The following DLGAP1 variants were observed in gnomAD, a reference collection of about 807,000 sequenced individuals.
The protein encoded by DLGAP1 is DLG associated protein 1.
A neutral mutation model predicts 90.8 loss-of-function variants in DLGAP1; 11 were observed. The observed-to-expected ratio is 0.12, with a 90% CI of 0.08 to 0.20. The LOEUF (loss-of-function observed/expected upper bound fraction) is 0.20, where lower values mean the gene tolerates loss of function less well. Among genes scored for constraint, DLGAP1 ranks in the 10% least tolerant of loss-of-function variants. The pLI is 1.00. For synonymous variants in DLGAP1, 558 were observed against 540.7 expected (o/e 1.03, Z -0.44); for missense variants, 1,050 against 1,333.8 (o/e 0.79, Z 3.31).
intron 3 of DLGAP1, among the ~76,000 whole-genome samples, chr18:4,003,578 T>C (rs1599306537): frequency 3.3e-5 from 5 of 151,992 alleles, no homozygotes; most frequent in Admixed American, 3.3e-4. Context: ...ATAAAAGGTA[T>C]TGAATGGGAA....
chr18:4,256,018 T>C (rs1432928460), intron 1 of DLGAP1, among the ~76,000 whole-genome samples: 1 of 152,178 alleles, frequency 6.6e-6, no homozygotes, highest in Non-Finnish European at 1.5e-5. Flanking sequence ...CAGAGGGCTC[T>C]GACAACTCAA....
chr18:4,277,793 T>C (rs1236657255), intron 1 of DLGAP1, among the ~76,000 whole-genome samples: 17 of 152,206 alleles, frequency 1.1e-4, no homozygotes, highest in East Asian at 1.9e-4. Flanking sequence ...TGTCACTTTA[T>C]GTATTTTGGC....
At chr18:4,045,709 AT>A (rs147781507) in intron 2 of DLGAP1, among the ~76,000 whole-genome samples, 1 of 150,082 alleles carries the variant, frequency 6.7e-6, no homozygotes. Context: ...TGTTAATTAG[AT>A]TTTTTTTGTT....
At chr18:4,226,342 T>C (rs745607594) in intron 1 of DLGAP1, among the ~76,000 whole-genome samples, 3 of 152,054 alleles carry the variant, frequency 2.0e-5, no homozygotes, top group Non-Finnish European at 4.4e-5. Context: ...TAATGACCAA[T>C]ATCTGAAGGT....
At chr18:3,740,062 G>GTGC (rs1478782848) in intron 6 of DLGAP1, among the ~76,000 whole-genome samples, 1 of 152,210 alleles carries the variant, frequency 6.6e-6, no homozygotes, top group Non-Finnish European at 1.5e-5. Context: ...CAAGGGTAGT[G>GTGC]TGCTGCTGGG....
intron 2 of DLGAP1, among the ~76,000 whole-genome samples, chr18:4,026,119 C>T (rs991449930): frequency 2.6e-5 from 4 of 152,182 alleles, no homozygotes; most frequent in Admixed American, 6.5e-5. Context: ...AAGGTGACCA[C>T]GGTTCTTAAG....
intron 1 of DLGAP1, among the ~76,000 whole-genome samples, chr18:4,171,145 C>T (rs2077017656): frequency 6.6e-6 from 1 of 152,110 alleles, no homozygotes; most frequent in Non-Finnish European, 1.5e-5. Context: ...ATATATATCA[C>T]TAGTCTGAAA....
chr18:4,391,938 C>T (rs2082349128), intron 1 of DLGAP1, among the ~76,000 whole-genome samples: 1 of 152,208 alleles, frequency 6.6e-6, no homozygotes, highest in Admixed American at 6.5e-5. Context: ...AAAAAAGTCA[C>T]ACTACAAAGG....
At chr18:3,802,197 C>A (rs529743052) in intron 5 of DLGAP1, among the ~76,000 whole-genome samples, 25 of 151,810 alleles carry the variant, frequency 1.6e-4, no homozygotes, top group African/African-American at 5.8e-4. Context: ...ATTGGCCAGG[C>A]TGGTCTTGAA....
chr18:4,197,325 G>T (rs962417028), intron 1 of DLGAP1, among the ~76,000 whole-genome samples: 1 of 152,034 alleles, frequency 6.6e-6, no homozygotes, highest in African/African-American at 2.4e-5. Flanking sequence ...CGAGAAGAAG[G>T]CATGTTGGTA....
intron 4 of DLGAP1, among the ~76,000 whole-genome samples, chr18:3,863,136 G>T (rs2070184764): frequency 6.6e-6 from 1 of 152,210 alleles, no homozygotes; most frequent in Non-Finnish European, 1.5e-5. Flanking sequence ...CGTAGCTACG[G>T]TGACTGAGAA....
chr18:3,757,946 T>C (rs1291543896), intron 5 of DLGAP1, among the ~76,000 whole-genome samples: 8 of 152,010 alleles, frequency 5.3e-5, no homozygotes, highest in African/African-American at 1.9e-4. Flanking sequence ...AAACCTCGTC[T>C]CTACTAAAAA....
intron 1 of DLGAP1, among the ~76,000 whole-genome samples, chr18:4,308,824 A>G (rs2080328378): frequency 6.6e-6 from 1 of 152,226 alleles, no homozygotes; most frequent in South Asian, 2.1e-4. Flanking sequence ...CCTTTGCCAA[A>G]TAAAATGAAC....
chr18:4,318,320 C>T lies in DLGAP1; in HGVS notation c.-267+136686G>A, dbSNP rs1019473217. Among the ~76,000 whole-genome samples the T allele has an allele frequency of 1.4e-4, 22 of 152,190 alleles. No individual in the cohort carries two copies. The East Asian group carries it at 1.7e-3, about 12-fold the overall frequency. On this transcript the variant is annotated intron_variant, in intron 1 of 12. Transcript: ENST00000315677. ...TTCAGTGCATTTCTATTGCTTGACA[C>T]GGCAAAATTTACAAATACGTATAGA... is the stretch of plus-strand genomic sequence containing the variant.
At chr18:4,262,064 A>ACT (rs2079014280) in intron 1 of DLGAP1, among the ~76,000 whole-genome samples, 1 of 152,196 alleles carries the variant, frequency 6.6e-6, no homozygotes, top group African/African-American at 2.4e-5. Context: ...ATTTCTTCCA[A>ACT]TCCTAACATT....
chr18:3,534,670 C>G (rs2052229427), intron 9 of DLGAP1, 55 bp from the exon 10 acceptor site: 2 of 1,348,680 alleles, frequency 1.5e-6, no homozygotes, highest in East Asian at 4.9e-5. Flanking sequence ...TCTTTCCTTC[C>G]TTCCTTCCTT....
chr18:4,361,468 AT>A (rs1418106689), intron 1 of DLGAP1, among the ~76,000 whole-genome samples: 1 of 152,176 alleles, frequency 6.6e-6, no homozygotes, highest in Non-Finnish European at 1.5e-5. Flanking sequence ...TGGTCAAATG[AT>A]TTTTGACAAG....
intron 4 of DLGAP1, among the ~76,000 whole-genome samples, chr18:3,816,185 G>A (rs747263832): frequency 2.8e-4 from 42 of 152,146 alleles, no homozygotes; most frequent in South Asian, 2.1e-4. Flanking sequence ...GTCAGAGAAG[G>A]TGAGTAACTT....
chr18:4,123,307 CT>C, intron 2 of DLGAP1, among the ~76,000 whole-genome samples: 1 of 152,114 alleles, frequency 6.6e-6, no homozygotes, highest in South Asian at 2.1e-4. Flanking sequence ...ATCAGTTTGA[CT>C]GCTAAGTTAA....
Sources: gnomAD v4.1 joint callset for allele counts (sites outside exome capture counted in the v4.1 genomes callset) on GRCh38, gnomAD v4.1.1 for gene constraint, MANE v1.5 for transcripts, NCBI Gene and HGNC (gene_info 2026-07-23, HGNC 2026-07-21) for gene names.